CHRM3: variants seen among roughly 807,000 people sequenced by gnomAD.
The protein encoded by CHRM3 is muscarinic acetylcholine receptor M3.
CHRM3 carries 11 observed loss-of-function variants against 41.8 expected under a neutral mutation model. That is an observed-to-expected ratio of 0.26 (90% confidence interval 0.17 to 0.44). The LOEUF is 0.44. Among genes scored for constraint, CHRM3 ranks in the 20% least tolerant of loss-of-function variants. The pLI is 1.00. For missense variants in CHRM3, 571 were observed against 745.4 expected (o/e 0.77, Z 2.72); for synonymous variants, 297 against 301.4 (o/e 0.99, Z 0.15).
intron 2 of CHRM3, among the ~76,000 whole-genome samples, chr1:239,512,525 A>G (rs911801025): frequency 1.3e-5 from 2 of 152,040 alleles, no homozygotes; most frequent in African/African-American, 4.8e-5. Flanking sequence ...TGTTGTTAGG[A>G]GCACTTGGAA....
At chr1:239,394,990 T>TAGCA (rs1553290979) in intron 1 of CHRM3, among the ~76,000 whole-genome samples, 1 of 152,196 alleles carries the variant, frequency 6.6e-6, no homozygotes, top group Non-Finnish European at 1.5e-5. Flanking sequence ...ATGAGGTTTA[T>TAGCA]AGCAATGACT....
intron 5 of CHRM3, among the ~76,000 whole-genome samples, chr1:239,772,212 G>A (rs537499179): frequency 2.0e-5 from 3 of 152,098 alleles, no homozygotes; most frequent in African/African-American, 7.2e-5. Flanking sequence ...GTGCAATGGC[G>A]CAATCTCAGC....
intron 3 of CHRM3, among the ~76,000 whole-genome samples, chr1:239,556,351 T>C (rs1258628621): frequency 6.6e-6 from 1 of 152,174 alleles, no homozygotes; most frequent in African/African-American, 2.4e-5. Context: ...TTAAAAAATA[T>C]ATAGATTCAA....
At position 239,872,594 on chromosome 1, in the gene CHRM3, G is replaced by C. The variant is rs1324295631; in HGVS notation, c.-19-34839G>C. ...CAACACAAATCCTTCCCTGAGGCAGGCTTCCTTAAGCCTTATTCATCTGCA... is the reference window on the plus strand; with the variant it reads ...CAACACAAATCCTTCCCTGAGGCAGCCTTCCTTAAGCCTTATTCATCTGCA... On this transcript the variant is annotated intron_variant, in intron 6 of 6. Transcript: ENST00000676153. Among the ~76,000 whole-genome samples the C allele has an allele frequency of 2.0e-5, 3 of 152,230 alleles. No homozygotes were observed. In the East Asian group the frequency reaches 5.8e-4, roughly 29 times the overall value.
At chr1:239,791,039 C>T (rs61606653) in intron 5 of CHRM3, among the ~76,000 whole-genome samples, 2 of 140,794 alleles carry the variant, frequency 1.4e-5, no homozygotes, top group Admixed American at 6.9e-5. Context: ...CTGTAGGAGT[C>T]GCTCCTGGAG....
At chr1:239,829,671 C>A (rs1672746406) in intron 6 of CHRM3, among the ~76,000 whole-genome samples, 2 of 152,148 alleles carry the variant, frequency 1.3e-5, no homozygotes, top group Non-Finnish European at 1.5e-5. Flanking sequence ...GATGGCACAG[C>A]AGAGTGGTTA....
At chr1:239,516,678 C>T (rs1200461453) in intron 2 of CHRM3, among the ~76,000 whole-genome samples, 2 of 152,146 alleles carry the variant, frequency 1.3e-5, no homozygotes, top group Middle Eastern at 3.2e-3. Context: ...CCCCCTAACC[C>T]TGGGCCACAG....
At chr1:239,675,576 T>C (rs937359718) in intron 4 of CHRM3, among the ~76,000 whole-genome samples, 2 of 152,236 alleles carry the variant, frequency 1.3e-5, no homozygotes, top group Non-Finnish European at 2.9e-5. Context: ...AATTGGTTTT[T>C]ATCTTGAGGG....
At chr1:239,552,344 A>C (rs1659922147) in intron 3 of CHRM3, among the ~76,000 whole-genome samples, 1 of 147,832 alleles carries the variant, frequency 6.8e-6, no homozygotes, top group Admixed American at 6.8e-5. Context: ...TATGTATCAT[A>C]TTTTATATAT....
At chr1:239,407,417 T>TATATATAGAG in intron 1 of CHRM3, among the ~76,000 whole-genome samples, 3 of 134,116 alleles carry the variant, frequency 2.2e-5, no homozygotes, top group Non-Finnish European at 5.1e-5. Flanking sequence ...TATATATATA[T>TATATATAGAG]AGAGAGAGAG....
chr1:239,685,754 G>A (rs963281324), intron 5 of CHRM3, among the ~76,000 whole-genome samples: 3 of 152,042 alleles, frequency 2.0e-5, no homozygotes, highest in South Asian at 2.1e-4. Context: ...CCCAGGAGGC[G>A]GAGGTTGCAG....
chr1:239,532,920 T>A (rs1433412209), intron 2 of CHRM3, among the ~76,000 whole-genome samples: 1 of 152,106 alleles, frequency 6.6e-6, no homozygotes, highest in South Asian at 2.1e-4. Context: ...CAATAAAAAG[T>A]TTTTTTTCTA....
chr1:239,464,067 G>A (rs1665547953), intron 1 of CHRM3, among the ~76,000 whole-genome samples: 1 of 151,870 alleles, frequency 6.6e-6, no homozygotes, highest in African/African-American at 2.4e-5. Flanking sequence ...ACTTGAGGTC[G>A]GGAGTTCAAG....
intron 5 of CHRM3, among the ~76,000 whole-genome samples, chr1:239,801,589 A>C (rs1476549045): frequency 2.0e-5 from 3 of 152,346 alleles, no homozygotes; most frequent in African/African-American, 7.2e-5. Context: ...TTCTAGGCTC[A>C]TAGAAAATCA....
At chr1:239,853,763 C>T (rs888055167) in intron 6 of CHRM3, among the ~76,000 whole-genome samples, 1 of 152,028 alleles carries the variant, frequency 6.6e-6, no homozygotes, top group Admixed American at 6.6e-5. Context: ...CAATATTTCT[C>T]AAATTAGATT....
intron 6 of CHRM3, among the ~76,000 whole-genome samples, chr1:239,842,990 G>A (rs1673945965): frequency 6.6e-6 from 1 of 152,018 alleles, no homozygotes; most frequent in South Asian, 2.1e-4. Flanking sequence ...TGATCATCTT[G>A]CTCTTCTCTC....
At chr1:239,801,460 G>A (rs889292922) in intron 5 of CHRM3, among the ~76,000 whole-genome samples, 1 of 152,162 alleles carries the variant, frequency 6.6e-6, no homozygotes, top group Admixed American at 6.5e-5. Flanking sequence ...TCCAAAGAGT[G>A]TCTTTAAAAA....
At chr1:239,452,030 G>T (rs971926781) in intron 1 of CHRM3, among the ~76,000 whole-genome samples, 1 of 151,960 alleles carries the variant, frequency 6.6e-6, no homozygotes, top group Non-Finnish European at 1.5e-5. Context: ...AAAATATTAG[G>T]TGCATCCTTT....
intron 4 of CHRM3, among the ~76,000 whole-genome samples, chr1:239,644,952 A>G (rs1459902726): frequency 1.3e-5 from 2 of 152,112 alleles, no homozygotes; most frequent in African/African-American, 2.4e-5. Flanking sequence ...CCCAGCCTGG[A>G]CTTCCCACCT....
Sources: allele counts gnomAD v4.1 joint callset (sites outside exome capture counted in the v4.1 genomes callset), GRCh38; gene constraint gnomAD v4.1.1; transcripts MANE v1.5; gene names NCBI Gene and HGNC (gene_info 2026-07-23, HGNC 2026-07-21).